The following SNX15 variants were observed in gnomAD, a reference collection of about 807,000 sequenced individuals.
The protein encoded by SNX15 is sorting nexin-15.
In SNX15, 29 loss-of-function variants were observed where a neutral mutation model predicts 35.2. The ratio of observed to expected loss-of-function variants is 0.82; its 90% CI spans 0.61 to 1.12. SNX15 has a LOEUF of 1.12. SNX15 is among the 50% of genes most tolerant of loss of function. SNX15 has a pLI of 0.00. For missense variants in SNX15, 400 were observed against 451.5 expected (o/e 0.89, Z 1.03); for synonymous variants, 189 against 188.2 (o/e 1.00, Z -0.03).
At chr11:65,032,255 C>T in intron 2 of SNX15, 52 bp downstream of exon 2, 1 of 1,595,458 alleles carries the variant, frequency 6.3e-7, no homozygotes, top group Non-Finnish European at 8.6e-7. Context: ...GATCTGGAAA[C>T]TGTCAAGGGG....
At chr11:65,034,336 G>T (rs923352914) in intron 3 of SNX15, among the ~76,000 whole-genome samples, 1 of 152,134 alleles carries the variant, frequency 6.6e-6, no homozygotes, top group Non-Finnish European at 1.5e-5. Context: ...CGGGAGGGCG[G>T]CTTGATCCCA....
intron 5 of SNX15, 130 bp from the exon 6 acceptor site, chr11:65,035,390 T>C: frequency 7.7e-7 from 1 of 1,295,560 alleles, no homozygotes; most frequent in Non-Finnish European, 1.1e-6. Context: ...ATCTGTAAAA[T>C]GAGCACAAAC....
chr11:65,027,584 C>T lies in SNX15; in HGVS notation c.47C>T (p.Ser16Leu). 2 of 1,614,110 alleles carry T rather than the reference C, an allele frequency of 1.2e-6. No individual in the cohort carries two copies. The highest frequency in any genetic ancestry group is 1.7e-6 in the Non-Finnish European group (2 of 1,180,024). The change falls in exon 1 of 8, where the codon TCG (serine) becomes TTG (leucine). Residue 16 changes from serine (S) to leucine (L), a missense_variant. By Grantham distance (145) the Ser-to-Leu change is moderately radical. Transcript: ENST00000377244. ...KDDFLRHYTV[S>L]DPRTHPKGYT... ...GACTTCCTGCGGCACTACACAGTGT[C>T]GGACCCCAGGACTCACCCCAAGGGC...
At chr11:65,039,079 G>A (rs868364291) in intron 7 of SNX15, among the ~76,000 whole-genome samples, 2 of 108,954 alleles carry the variant, frequency 1.8e-5, no homozygotes, top group Non-Finnish European at 4.0e-5. Flanking sequence ...TTGCAGGCTG[G>A]AGTGCACAAT....
In SNX15 at chr11:65,032,507, G is replaced by C; in HGVS notation, c.212G>C (p.Arg71Pro). 6.2e-7 allele frequency: 1 copy of C among 1,614,130 alleles called. No individual in the cohort carries two copies. The highest frequency in any genetic ancestry group is 2.2e-5 in the East Asian group (1 of 44,880). ...DLAYTHRNLFRRLEEFPAFPR... is the reference protein window; with the variant it reads ...DLAYTHRNLFPRLEEFPAFPR... ...GCCTACACCCACCGCAACCTCTTCCGCCGCCTCGAGGAGTTCCCTGCTTTC... is the reference window on the plus strand; with the variant it reads ...GCCTACACCCACCGCAACCTCTTCCCCCGCCTCGAGGAGTTCCCTGCTTTC... Residue 71 changes from arginine (R) to proline (P), a missense_variant, in exon 3 of 8, where the codon CGC becomes CCC. Transcript: ENST00000377244.
At chr11:65,034,343 C>T (rs1219647098) in intron 3 of SNX15, among the ~76,000 whole-genome samples, 1 of 152,110 alleles carries the variant, frequency 6.6e-6, no homozygotes, top group Non-Finnish European at 1.5e-5. Flanking sequence ...GCGGCTTGAT[C>T]CCAGGAGGCA....
chr11:65,035,691 G>T, intron 6 of SNX15, 28 bp downstream of exon 6: 1 of 1,580,030 alleles, frequency 6.3e-7, no homozygotes, highest in Non-Finnish European at 8.6e-7. Flanking sequence ...CCGGGAAGGA[G>T]CCAGGGCAGG....
chr11:65,039,655 G>A (rs1205561365), intron 7 of SNX15, 31 bp from the exon 8 acceptor site: 1 of 1,504,804 alleles, frequency 6.6e-7, no homozygotes, highest in Admixed American at 1.7e-5. Flanking sequence ...GTGGTGCCCA[G>A]GTGCCTCAGC....
At position 65,035,039 on chromosome 11, in the gene SNX15, C is replaced by T. The variant is rs371164024; in HGVS notation, c.373-20C>T. On this transcript the variant is annotated intron_variant, in intron 4 of 7. Coordinates refer to ENST00000377244, the MANE Select transcript of SNX15 (RefSeq NM_013306.5). ...GATTGCACCCCATGACTCCCCATGT[C>T]TGATCTTTCTGTCCTGCAGGGTGGG... The T allele has an allele frequency of 1.5e-5, 24 of 1,613,866 alleles. No individual in the cohort carries two copies. In the African/African-American group the frequency reaches 2.8e-4, roughly 19 times the overall value.
intron 1 of SNX15, among the ~76,000 whole-genome samples, chr11:65,028,681 A>C (rs1247418727): frequency 3.5e-5 from 4 of 113,208 alleles, no homozygotes; most frequent in African/African-American, 1.2e-4. Context: ...AGACACACAC[A>C]CAACTTTAAA....
At chr11:65,036,871 A>G (rs1946509830) in intron 6 of SNX15, 1 of 146,692 alleles carries the variant, frequency 6.8e-6, no homozygotes, top group Admixed American at 6.8e-5. Context: ...ACAGGGTCGC[A>G]CCATTTTGGT....
rs1257880356 is a variant in SNX15 at position 65,027,579 on chromosome 11, A to C, written c.42A>C (p.Thr14=). The change falls in exon 1 of 8, where the codon ACA becomes ACC. Residue 14 remains threonine, a synonymous_variant. Coordinates refer to ENST00000377244, the MANE Select transcript of SNX15 (RefSeq NM_013306.5). ...AGGATGACTTCCTGCGGCACTACACAGTGTCGGACCCCAGGACTCACCCCA... is the reference window on the plus strand; with the variant it reads ...AGGATGACTTCCTGCGGCACTACACCGTGTCGGACCCCAGGACTCACCCCA... ...QAKDDFLRHY[T]VSDPRTHPKG... The C allele has an allele frequency of 6.2e-7, 1 of 1,613,944 alleles. No homozygotes were observed. Among genetic ancestry groups the C allele is most frequent in the Non-Finnish European group, 8.5e-7 (1 of 1,180,022 alleles).
At chr11:65,030,481 C>G (rs1946429222) in intron 1 of SNX15, among the ~76,000 whole-genome samples, 1 of 148,768 alleles carries the variant, frequency 6.7e-6, no homozygotes, top group Admixed American at 6.7e-5. Context: ...GCCACCATGA[C>G]CCACCGTACC....
rs200424255 is a variant in SNX15, at chr11:65,032,495, G to A, written c.200G>A (p.Arg67His). 8.4e-5 allele frequency: 135 copies of A among 1,613,828 alleles called. No homozygotes were observed. The highest frequency in any genetic ancestry group is 4.7e-5 in the Non-Finnish European group (56 of 1,179,846). ...CATGGAGACCTGGCCTACACCCACC[G>A]CAACCTCTTCCGCCGCCTCGAGGAG... ...KLHGDLAYTH[R>H]NLFRRLEEFP... The change falls in exon 3 of 8, where the codon CGC becomes CAC. Residue 67 changes from arginine to histidine, a missense_variant. By Grantham distance (29) the Arg-to-His change is conservative (BLOSUM62 0). Coordinates refer to ENST00000377244, the MANE Select transcript of SNX15 (RefSeq NM_013306.5).
At chr11:65,030,200 C>T (rs951191562) in intron 1 of SNX15, among the ~76,000 whole-genome samples, 17 of 151,796 alleles carry the variant, frequency 1.1e-4, no homozygotes, top group African/African-American at 3.4e-4. Flanking sequence ...ACTAAAAGTA[C>T]AAAACGTAGC....
At chr11:65,032,094 C>A in intron 1 of SNX15, 74 bp from the exon 2 acceptor site, 1 of 1,476,714 alleles carries the variant, frequency 6.8e-7, no homozygotes, top group South Asian at 1.1e-5. Flanking sequence ...TAGGAGGCAC[C>A]TGGGGCATTA....
At chr11:65,028,519 A>G (rs191759226) in intron 1 of SNX15, among the ~76,000 whole-genome samples, 1 of 152,104 alleles carries the variant, frequency 6.6e-6, no homozygotes, top group African/African-American at 2.4e-5. Flanking sequence ...CGTCTTTTCC[A>G]TGCCTAAAAA....
intron 1 of SNX15, among the ~76,000 whole-genome samples, chr11:65,028,799 T>C (rs560236616): frequency 6.6e-6 from 1 of 150,794 alleles, no homozygotes; most frequent in South Asian, 2.1e-4. Flanking sequence ...TTATTATAAG[T>C]CTTCCCAGTG....
At chr11:65,029,122 T>G (rs1003256256) in intron 1 of SNX15, among the ~76,000 whole-genome samples, 8 of 151,524 alleles carry the variant, frequency 5.3e-5, no homozygotes, top group Non-Finnish European at 8.8e-5. Flanking sequence ...AATAAATAAA[T>G]AAATAAAAAT....
Sources: allele counts gnomAD v4.1 joint callset (sites outside exome capture counted in the v4.1 genomes callset), GRCh38; gene constraint gnomAD v4.1.1; transcripts MANE v1.5; gene names NCBI Gene and HGNC (gene_info 2026-07-23, HGNC 2026-07-21).